CNTNAP2: variants seen among roughly 807,000 people sequenced by gnomAD.
CNTNAP2 encodes the protein contactin-associated protein-like 2.
A neutral mutation model predicts 155.2 loss-of-function variants in CNTNAP2; 98 were observed. The observed-to-expected ratio is 0.63, with a 90% CI of 0.54 to 0.75. CNTNAP2 has a LOEUF of 0.75. Among genes scored for constraint, CNTNAP2 ranks in the 30% least tolerant of loss-of-function variants. The pLI, the probability that CNTNAP2 is intolerant of heterozygous loss-of-function variation, is 0.00. For missense variants in CNTNAP2, 1,727 were observed against 1,688.1 expected (o/e 1.02, Z -0.40); for synonymous variants, 651 against 631.2 (o/e 1.03, Z -0.47).
At chr7:147,124,876 C>CTTTTTTTT (rs371912854) in intron 6 of CNTNAP2, among the ~76,000 whole-genome samples, 13 of 80,062 alleles carry the variant, frequency 1.6e-4, no homozygotes, top group East Asian at 4.6e-4. Flanking sequence ...CCTTTTTTTC[C>CTTTTTTTT]TTTTTTTTTT....
chr7:147,457,324 G>A (rs16883409), intron 10 of CNTNAP2, among the ~76,000 whole-genome samples: 30,282 of 151,944 alleles, frequency 0.2, 3,232 homozygotes, highest in East Asian at 0.36. Context: ...ATTTTCCTTC[G>A]ACTCAATGTG....
intron 1 of CNTNAP2, among the ~76,000 whole-genome samples, chr7:146,358,255 C>T (rs1231466154): frequency 2.0e-5 from 3 of 152,040 alleles, no homozygotes; most frequent in African/African-American, 7.2e-5. Context: ...AGGATGGTCT[C>T]GATCTCCTGA....
chr7:147,131,204 C>A (rs1801350274), intron 7 of CNTNAP2, among the ~76,000 whole-genome samples: 1 of 150,282 alleles, frequency 6.7e-6, no homozygotes, highest in Non-Finnish European at 1.5e-5. Context: ...CACATGTATA[C>A]CATATACATA....
chr7:146,201,308 C>A (rs776152046), intron 1 of CNTNAP2, among the ~76,000 whole-genome samples: 6 of 152,062 alleles, frequency 3.9e-5, no homozygotes, highest in Admixed American at 6.5e-5. Context: ...GAAAGGACTG[C>A]ACTTAATAGG....
chr7:146,561,115 G>C (rs1043556223), intron 1 of CNTNAP2, among the ~76,000 whole-genome samples: 4 of 152,092 alleles, frequency 2.6e-5, no homozygotes, highest in Admixed American at 2.6e-4. Flanking sequence ...TCATCGTCCA[G>C]GTTGTCTTGA....
intron 13 of CNTNAP2, among the ~76,000 whole-genome samples, chr7:147,752,253 G>T (rs1327397652): frequency 2.0e-5 from 3 of 152,128 alleles, no homozygotes; most frequent in East Asian, 1.9e-4. Flanking sequence ...ATAGTAATTT[G>T]TTCTGTGCAA....
chr7:147,089,207 C>T (rs1182877282), intron 4 of CNTNAP2, among the ~76,000 whole-genome samples: 1 of 152,162 alleles, frequency 6.6e-6, no homozygotes, highest in Non-Finnish European at 1.5e-5. Context: ...TCCGTGTATG[C>T]ATCCCACCTT....
At chr7:147,857,459 T>C (rs1799059002) in intron 13 of CNTNAP2, among the ~76,000 whole-genome samples, 1 of 152,222 alleles carries the variant, frequency 6.6e-6, no homozygotes, top group Non-Finnish European at 1.5e-5. Context: ...GCACTTCTTA[T>C]AAAGCTAGTA....
chr7:146,568,395 A>G (rs555510434), intron 1 of CNTNAP2, among the ~76,000 whole-genome samples: 2 of 152,262 alleles, frequency 1.3e-5, no homozygotes, highest in East Asian at 3.9e-4. Flanking sequence ...ATTTTAGTCC[A>G]CCTATTTTGT....
intron 1 of CNTNAP2, among the ~76,000 whole-genome samples, chr7:146,159,071 A>G (rs1018703342): frequency 6.6e-6 from 1 of 152,234 alleles, no homozygotes; most frequent in African/African-American, 2.4e-5. Flanking sequence ...GCCAGAAGGG[A>G]GTGGGGGCCA....
At chr7:146,899,324 A>C (rs1295749590) in intron 3 of CNTNAP2, among the ~76,000 whole-genome samples, 4 of 152,092 alleles carry the variant, frequency 2.6e-5, no homozygotes, top group Non-Finnish European at 5.9e-5. Flanking sequence ...AGTTTATTGG[A>C]CTTTTCTTCG....
chr7:146,594,587 G>T (rs1333433202), intron 1 of CNTNAP2, among the ~76,000 whole-genome samples: 2 of 152,022 alleles, frequency 1.3e-5, no homozygotes, highest in Non-Finnish European at 2.9e-5. Flanking sequence ...TTTAGGAGGT[G>T]ATTTGTACAC....
At chr7:147,188,522 G>A (rs1329669801) in intron 8 of CNTNAP2, among the ~76,000 whole-genome samples, 1 of 152,198 alleles carries the variant, frequency 6.6e-6, no homozygotes, top group Non-Finnish European at 1.5e-5. Context: ...ATCCCTGAGA[G>A]AAAGCACCAG....
chr7:148,398,155 C>T (rs911220969), intron 22 of CNTNAP2, among the ~76,000 whole-genome samples: 3 of 152,246 alleles, frequency 2.0e-5, no homozygotes, highest in African/African-American at 7.2e-5. Context: ...TGCCCCCCTT[C>T]TAACCGCACA....
chr7:147,108,303 T>A lies in CNTNAP2; in HGVS notation c.707T>A (p.Ile236Asn), dbSNP rs749945304. ...LHGEGQQGDY[I>N]TLELKKAKLV... ...GGAGAAGGACAGCAAGGAGATTACATTACCTTGGAACTGAAAAAAGCCAAG... is the reference window on the plus strand; with the variant it reads ...GGAGAAGGACAGCAAGGAGATTACAATACCTTGGAACTGAAAAAAGCCAAG... The change falls in exon 5 of 24, where the codon ATT becomes AAT. Residue 236 changes from isoleucine to asparagine, a missense_variant. Ile to Asn is a moderately radical substitution (Grantham distance 149). Transcript: ENST00000361727. 1.2e-6 allele frequency: 2 copies of A among 1,613,746 alleles called. No individual in the cohort carries two copies. Among genetic ancestry groups the A allele is most frequent in the Non-Finnish European group, 1.7e-6 (2 of 1,179,778 alleles).
chr7:146,974,040 G>T (rs1174755448), intron 3 of CNTNAP2, among the ~76,000 whole-genome samples: 1 of 152,172 alleles, frequency 6.6e-6, no homozygotes, highest in East Asian at 1.9e-4. Context: ...GAGGGAGATA[G>T]ATTCTCACTT....
chr7:146,984,184 A>C lies in CNTNAP2; in HGVS notation c.403-59723A>C, dbSNP rs570859292. Among the ~76,000 whole-genome samples, 92 of 152,092 alleles carry C rather than the reference A, an allele frequency of 6.0e-4. 2 individuals carry two copies. Among genetic ancestry groups the C allele is most frequent in the African/African-American group, 2.0e-3 (84 of 41,516 alleles). On this transcript the variant is annotated intron_variant, in intron 3 of 23. Transcript: ENST00000361727. Reference sequence around the variant, plus strand: ...GGAGTTCGAGACCAGCCTGATCAACATGAAGAAACCCCATCTCTACTAAAA... The same window carrying C: ...GGAGTTCGAGACCAGCCTGATCAACCTGAAGAAACCCCATCTCTACTAAAA...
intron 13 of CNTNAP2, among the ~76,000 whole-genome samples, chr7:147,779,799 C>G (rs1226701358): frequency 6.6e-6 from 1 of 152,122 alleles, no homozygotes; most frequent in Non-Finnish European, 1.5e-5. Context: ...TGGAGTTCAC[C>G]AGAAGTCTAC....
intron 13 of CNTNAP2, among the ~76,000 whole-genome samples, chr7:147,704,796 T>C (rs1796286417): frequency 6.6e-6 from 1 of 152,244 alleles, no homozygotes; most frequent in South Asian, 2.1e-4. Context: ...TTCTTGCTGA[T>C]TCAATCTTGA....
Sources: allele counts gnomAD v4.1 joint callset (sites outside exome capture counted in the v4.1 genomes callset), GRCh38; gene constraint gnomAD v4.1.1; transcripts MANE v1.5; gene names NCBI Gene and HGNC (gene_info 2026-07-23, HGNC 2026-07-21).